Variants in NAALADL2 observed in about 807,000 individuals in gnomAD.
NAALADL2 encodes the protein inactive N-acetylated-alpha-linked acidic dipeptidase-like protein 2.
A neutral mutation model predicts 87.2 loss-of-function variants in NAALADL2; 76 were observed. That is an observed-to-expected ratio of 0.87 (90% CI 0.72 to 1.05). NAALADL2 has a LOEUF of 1.05. NAALADL2 is among the 50% of genes least tolerant of loss of function. NAALADL2 has a pLI of 0.00. For synonymous variants in NAALADL2, 354 were observed against 331.0 expected, an observed-to-expected ratio of 1.07 and a Z score of -0.75; for missense variants, 1,089 against 945.8, an observed-to-expected ratio of 1.15 and a Z score of -1.99.
intron 2 of NAALADL2, among the ~76,000 whole-genome samples, chr3:174,667,562 T>TA (rs1726090750): frequency 9.5e-6 from 1 of 105,548 alleles, no homozygotes; most frequent in Non-Finnish European, 2.1e-5. Context: ...TTTTTTTTTT[T>TA]ATAGCAAGAC....
chr3:175,560,171 T>A (rs931423340), intron 9 of NAALADL2, among the ~76,000 whole-genome samples: 1 of 152,196 alleles, frequency 6.6e-6, no homozygotes, highest in Non-Finnish European at 1.5e-5. Flanking sequence ...GTAGGTTGTA[T>A]GTGTCAAGGA....
chr3:175,110,097 G>A (rs1723926387), intron 2 of NAALADL2, among the ~76,000 whole-genome samples: 1 of 151,630 alleles, frequency 6.6e-6, no homozygotes. Flanking sequence ...TTGTGTTTTG[G>A]GGCATTTTTC....
At chr3:175,119,807 C>A (rs1580553330) in intron 2 of NAALADL2, among the ~76,000 whole-genome samples, 1 of 144,232 alleles carries the variant, frequency 6.9e-6, no homozygotes, top group Admixed American at 7.0e-5. Context: ...ACTTATGTAT[C>A]TATATATAAA....
intron 1 of NAALADL2, among the ~76,000 whole-genome samples, chr3:175,052,402 T>C (rs545426811): frequency 1.8e-4 from 27 of 152,210 alleles, no homozygotes; most frequent in Non-Finnish European, 3.8e-4. Flanking sequence ...TTTCCCAACA[T>C]GTTCTCCTTC....
intron 3 of NAALADL2, chr3:175,242,497 T>G (rs556708338): frequency 1.3e-5 from 2 of 152,228 alleles, no homozygotes; most frequent in Admixed American, 6.5e-5. Context: ...AATGCTGTCA[T>G]ATTAGTTTCA....
chr3:175,324,097 G>A, intron 4 of NAALADL2, 78 bp from the exon 5 acceptor site: 9 of 1,032,728 alleles, frequency 8.7e-6, no homozygotes, highest in South Asian at 5.2e-5. Context: ...TCTTATCATA[G>A]CCACATTGGC....
At chr3:174,864,712 G>A (rs779775931) in intron 1 of NAALADL2, among the ~76,000 whole-genome samples, 12 of 151,992 alleles carry the variant, frequency 7.9e-5, no homozygotes, top group Non-Finnish European at 1.8e-4. Context: ...GTATATAAAT[G>A]TAATTATTAC....
intron 5 of NAALADL2, chr3:175,369,721 T>C (rs1481062448): frequency 1.3e-5 from 2 of 152,220 alleles, no homozygotes; most frequent in African/African-American, 2.4e-5. Flanking sequence ...CTGAAAGATA[T>C]GCTTAGTAAA....
chr3:174,763,919 G>A (rs1157702702), intron 3 of NAALADL2, among the ~76,000 whole-genome samples: 3 of 151,858 alleles, frequency 2.0e-5, no homozygotes, highest in African/African-American at 7.3e-5. Flanking sequence ...TGTAACCAAA[G>A]TTAACCAATC....
intron 4 of NAALADL2, among the ~76,000 whole-genome samples, chr3:175,295,452 T>C (rs930165916): frequency 6.6e-6 from 1 of 152,114 alleles, no homozygotes; most frequent in African/African-American, 2.4e-5. Context: ...CTTACACAAG[T>C]TATAAATCAG....
At chr3:175,760,014 T>C (rs1747795326) in intron 13 of NAALADL2, among the ~76,000 whole-genome samples, 1 of 152,058 alleles carries the variant, frequency 6.6e-6, no homozygotes, top group African/African-American at 2.4e-5. Flanking sequence ...CAGAAACCTT[T>C]AGGAAGATTA....
intron 5 of NAALADL2, among the ~76,000 whole-genome samples, chr3:175,348,356 T>A (rs1763380746): frequency 2.0e-5 from 3 of 152,168 alleles, no homozygotes. Flanking sequence ...TTTTCTTACT[T>A]AGTAATGTTC....
chr3:175,070,026 G>A (rs182050776), intron 1 of NAALADL2, among the ~76,000 whole-genome samples: 4 of 143,588 alleles, frequency 2.8e-5, no homozygotes, highest in African/African-American at 1.0e-4. Flanking sequence ...GTAGGGGGAG[G>A]GGGGAGGGAT....
chr3:175,430,335 C>CTA (rs1187810322), intron 5 of NAALADL2, among the ~76,000 whole-genome samples: 2 of 145,098 alleles, frequency 1.4e-5, no homozygotes, highest in African/African-American at 5.1e-5. Context: ...GATTGTTAAC[C>CTA]TATATATGTG....
At chr3:175,457,422 A>T (rs1722478958) in intron 6 of NAALADL2, among the ~76,000 whole-genome samples, 1 of 152,084 alleles carries the variant, frequency 6.6e-6, no homozygotes, top group African/African-American at 2.4e-5. Context: ...ATCATGTAGC[A>T]TACTGCCCCA....
At chr3:175,228,278 A>G (rs1391042454) in intron 2 of NAALADL2, among the ~76,000 whole-genome samples, 2 of 151,908 alleles carry the variant, frequency 1.3e-5, no homozygotes, top group African/African-American at 4.8e-5. Flanking sequence ...TGTGGAAGAA[A>G]CAGCTTAGGC....
chr3:175,729,466 A>AGTAT (rs918434486), intron 11 of NAALADL2, among the ~76,000 whole-genome samples: 1 of 152,212 alleles, frequency 6.6e-6, no homozygotes, highest in Non-Finnish European at 1.5e-5. Flanking sequence ...ACAACCTAAG[A>AGTAT]GTATGTGCCT....
chr3:174,745,893 A>G (rs1219067123), intron 3 of NAALADL2, among the ~76,000 whole-genome samples: 1 of 152,182 alleles, frequency 6.6e-6, no homozygotes, highest in Non-Finnish European at 1.5e-5. Context: ...TTCATGTTAA[A>G]AACTCTCAAT....
At chr3:175,382,747 A>G (rs925161539) in intron 5 of NAALADL2, among the ~76,000 whole-genome samples, 3 of 151,652 alleles carry the variant, frequency 2.0e-5, no homozygotes, top group African/African-American at 7.3e-5. Context: ...TGTCCTTTGT[A>G]TTATAGCCCT....
Sources: allele counts gnomAD v4.1 joint callset (sites outside exome capture counted in the v4.1 genomes callset), GRCh38; gene constraint gnomAD v4.1.1; transcripts MANE v1.5; gene names NCBI Gene and HGNC (gene_info 2026-07-23, HGNC 2026-07-21).